The following MEOX2 variants were observed in gnomAD, a reference collection of about 807,000 sequenced individuals.
The protein encoded by MEOX2 is homeobox protein MOX-2.
MEOX2 carries 11 observed loss-of-function variants against 27.0 expected under a neutral mutation model. The ratio of observed to expected loss-of-function variants is 0.41; its 90% confidence interval spans 0.26 to 0.68. The LOEUF (loss-of-function observed/expected upper bound fraction) is 0.68. Ranked by LOEUF, MEOX2 falls within the 30% of genes least tolerant of loss-of-function variation. The pLI is 0.33. For missense variants in MEOX2, 436 were observed against 385.4 expected, an observed-to-expected ratio of 1.13 and a Z score of -1.10; for synonymous variants, 189 against 155.4, an observed-to-expected ratio of 1.22 and a Z score of -1.61.
intron 1 of MEOX2, among the ~76,000 whole-genome samples, chr7:15,650,911 C>A (rs970863576): frequency 6.6e-6 from 1 of 151,870 alleles, no homozygotes; most frequent in African/African-American, 2.4e-5. Context: ...TGAATCAGGA[C>A]TTGGAAACAG....
chr7:15,626,693 T>G, intron 2 of MEOX2, 53 bp downstream of exon 2: 1 of 1,341,674 alleles, frequency 7.5e-7, no homozygotes, highest in East Asian at 2.3e-5. Flanking sequence ...CAAAGAAGAC[T>G]GTGGACCCAG....
At chr7:15,651,240 A>G (rs1781728748) in intron 1 of MEOX2, among the ~76,000 whole-genome samples, 1 of 152,046 alleles carries the variant, frequency 6.6e-6, no homozygotes, top group Non-Finnish European at 1.5e-5. Context: ...CAATACTGCT[A>G]TGAAAATATC....
At chr7:15,643,139 A>G (rs1475802350) in intron 1 of MEOX2, among the ~76,000 whole-genome samples, 1 of 152,204 alleles carries the variant, frequency 6.6e-6, no homozygotes, top group Non-Finnish European at 1.5e-5. Flanking sequence ...AGAAGTTGTG[A>G]TGGGACATGC....
intron 2 of MEOX2, among the ~76,000 whole-genome samples, chr7:15,616,723 T>G (rs1583736506): frequency 6.6e-6 from 1 of 152,088 alleles, no homozygotes; most frequent in Middle Eastern, 3.4e-3. Flanking sequence ...TAAGATTAAT[T>G]TATAAACTAC....
intron 2 of MEOX2, among the ~76,000 whole-genome samples, chr7:15,623,498 T>G (rs1184848908): frequency 2.6e-5 from 4 of 152,184 alleles, no homozygotes; most frequent in African/African-American, 9.7e-5. Flanking sequence ...GCCTCCCATG[T>G]ACCTAGGATT....
At chr7:15,654,694 A>G (rs1282256872) in intron 1 of MEOX2, among the ~76,000 whole-genome samples, 1 of 151,844 alleles carries the variant, frequency 6.6e-6, no homozygotes, top group East Asian at 1.9e-4. Flanking sequence ...GGTGAATTAC[A>G]TGGATTTTTA....
chr7:15,628,094 G>GT (rs1011137828), intron 1 of MEOX2, among the ~76,000 whole-genome samples: 2 of 151,910 alleles, frequency 1.3e-5, no homozygotes, highest in Admixed American at 1.3e-4. Flanking sequence ...CATTTTAATT[G>GT]TTTTTTTAAT....
intron 2 of MEOX2, among the ~76,000 whole-genome samples, chr7:15,613,054 G>A (rs1174243282): frequency 3.3e-5 from 5 of 152,160 alleles, no homozygotes; most frequent in Non-Finnish European, 7.4e-5. Context: ...TGATTAAGCG[G>A]CATCTGAAAG....
At chr7:15,683,289 T>C (rs1462254700) in intron 1 of MEOX2, among the ~76,000 whole-genome samples, 1 of 152,040 alleles carries the variant, frequency 6.6e-6, no homozygotes, top group Non-Finnish European at 1.5e-5. Flanking sequence ...GACTTTACCC[T>C]GGATTTATGT....
chr7:15,623,960 G>C (rs771091167), intron 2 of MEOX2, among the ~76,000 whole-genome samples: 1 of 152,164 alleles, frequency 6.6e-6, no homozygotes, highest in Non-Finnish European at 1.5e-5. Flanking sequence ...AACATGCTTT[G>C]CATAGCAAAG....
At chr7:15,670,528 T>C (rs1025153717) in intron 1 of MEOX2, among the ~76,000 whole-genome samples, 1 of 152,214 alleles carries the variant, frequency 6.6e-6, no homozygotes, top group African/African-American at 2.4e-5. Flanking sequence ...TACTGACATA[T>C]GAAAATGTTC....
intron 1 of MEOX2, among the ~76,000 whole-genome samples, chr7:15,645,490 C>T (rs1181736524): frequency 6.6e-6 from 1 of 152,076 alleles, no homozygotes; most frequent in Non-Finnish European, 1.5e-5. Flanking sequence ...CCAAATTCGC[C>T]ATGACTGCAA....
At chr7:15,651,439 T>C (rs1345893535) in intron 1 of MEOX2, among the ~76,000 whole-genome samples, 1 of 151,972 alleles carries the variant, frequency 6.6e-6, no homozygotes, top group Non-Finnish European at 1.5e-5. Context: ...TCACTCAAAA[T>C]AAAAGAAATT....
chr7:15,665,289 GA>G (rs3839756), intron 1 of MEOX2, among the ~76,000 whole-genome samples: 3 of 151,478 alleles, frequency 2.0e-5, no homozygotes, highest in African/African-American at 4.9e-5. Flanking sequence ...CTTAAAGTAT[GA>G]AAAAAAAGCA....
intron 1 of MEOX2, among the ~76,000 whole-genome samples, chr7:15,650,273 T>C (rs1241299381): frequency 6.6e-6 from 1 of 152,116 alleles, no homozygotes. Flanking sequence ...GTTCTACTGC[T>C]TTCCACTTTT....
chr7:15,678,320 T>C (rs1198474237), intron 1 of MEOX2, among the ~76,000 whole-genome samples: 1 of 152,192 alleles, frequency 6.6e-6, no homozygotes, highest in East Asian at 1.9e-4. Flanking sequence ...ATGCAGTGAG[T>C]GCTAAAGCAT....
At chr7:15,639,804 T>C (rs562897803) in intron 1 of MEOX2, among the ~76,000 whole-genome samples, 1 of 152,288 alleles carries the variant, frequency 6.6e-6, no homozygotes, top group South Asian at 2.1e-4. Context: ...GGCTCTCTAT[T>C]CTGTTCCATT....
intron 1 of MEOX2, among the ~76,000 whole-genome samples, chr7:15,652,716 G>T (rs147833852): frequency 0.038 from 5,804 of 151,956 alleles, 150 homozygotes; most frequent in Non-Finnish European, 0.059. Flanking sequence ...TATTTATATG[G>T]AATAATACAT....
chr7:15,631,228 A>G (rs1781396794), intron 1 of MEOX2, among the ~76,000 whole-genome samples: 1 of 150,528 alleles, frequency 6.6e-6, no homozygotes, highest in Non-Finnish European at 1.5e-5. Context: ...TTTCTTCAAA[A>G]TGCAAAAAAA....
Sources: gnomAD v4.1 joint callset for allele counts (sites outside exome capture counted in the v4.1 genomes callset) on GRCh38, gnomAD v4.1.1 for gene constraint, MANE v1.5 for transcripts, NCBI Gene and HGNC (gene_info 2026-07-23, HGNC 2026-07-21) for gene names.